Variants in PCDHGA9 observed in about 807,000 individuals in gnomAD.
The protein encoded by PCDHGA9 is protocadherin gamma subfamily A, 9.
In PCDHGA9, 37 loss-of-function variants were observed where a neutral mutation model predicts 62.5. That is an observed-to-expected ratio of 0.59 (90% CI 0.46 to 0.78). The LOEUF (loss-of-function observed/expected upper bound fraction) is 0.78. Among genes scored for constraint, PCDHGA9 ranks in the 30% least tolerant of loss-of-function variants. PCDHGA9 has a pLI of 0.00. For synonymous variants in PCDHGA9, 459 were observed against 484.6 expected (o/e 0.95, Z 0.69); for missense variants, 1,138 against 1,166.2 (o/e 0.98, Z 0.35).
chr5:141,428,091 T>A lies in PCDHGA9; in HGVS notation c.2424+22715T>A, dbSNP rs769710543. 1.1e-5 allele frequency: 17 copies of A among 1,609,000 alleles called. No homozygotes were observed. In the African/African-American group the frequency reaches 1.5e-4, roughly 14 times the overall value. On this transcript the variant is annotated intron_variant, in intron 1 of 3. Transcript: ENST00000573521. ...AGATTCGGGACACAACGCTTGGCTGTCCTACCACGTGCTGCAGGCCATCGA... is the reference window on the plus strand; with the variant it reads ...AGATTCGGGACACAACGCTTGGCTGACCTACCACGTGCTGCAGGCCATCGA...
chr5:141,495,000 G>A lies in PCDHGA9; in HGVS notation c.2483+135G>A, dbSNP rs191756104. ...AGTTTGAGATCCCAGGGAGGTCTTG[G>A]TGTGCGGGGGGCTGGCACACAGACC... On this transcript the variant is annotated intron_variant, in intron 2 of 3. Transcript: ENST00000573521. 1.3e-4 allele frequency: 202 copies of A among 1,531,656 alleles called. 2 individuals carry two copies. The African/African-American group carries it at 2.4e-3, about 19-fold the overall frequency. The allele number at this position is 1,531,656 out of a possible 1,614,324, so 94.9% of individuals were successfully genotyped here. A position where few individuals can be genotyped will look rare whatever the true frequency, so the allele number is the denominator to read the frequency against.
intron 1 of PCDHGA9, chr5:141,492,018 G>A: frequency 1.7e-6 from 1 of 585,594 alleles, no homozygotes; most frequent in Admixed American, 3.7e-5. Flanking sequence ...GGGTGTCGGG[G>A]GTCCCGGGAG....
Position 141,486,812 on chromosome 5 carries a change from A to G in PCDHGA9, c.2425-7995A>G, listed in dbSNP as rs781747283. 6.2e-7 allele frequency: 1 copy of G among 1,614,226 alleles called. No individual in the cohort carries two copies. The highest frequency in any genetic ancestry group is 8.5e-7 in the Non-Finnish European group (1 of 1,180,046). ...GGATCGGGGCAACCCACCCCTTAGC[A>G]GCACTGTAACAGTTCGTCTATTTGT... On this transcript the variant is annotated intron_variant, in intron 1 of 3. Transcript: ENST00000573521. This position sits in a 1 kb window ranked among gnomAD's most constrained non-coding sequence, Gnocchi z 5.0.
At chr5:141,422,789 T>A (rs776409955) in intron 1 of PCDHGA9, 16 of 1,614,158 alleles carry the variant, frequency 9.9e-6, no homozygotes, top group Non-Finnish European at 1.4e-5. Context: ...CTACAATCCT[T>A]CGACTATGAG....
intron 3 of PCDHGA9, 73 bp from the exon 4 acceptor site, chr5:141,510,874 G>A (rs1419164967): frequency 3.7e-6 from 6 of 1,610,008 alleles, no homozygotes; most frequent in Admixed American, 1.7e-5. Context: ...TTCATTAACT[G>A]CTGGGGATAT....
intron 1 of PCDHGA9, chr5:141,409,866 G>A (rs1268327848): frequency 3.7e-6 from 6 of 1,612,258 alleles, no homozygotes; most frequent in East Asian, 4.5e-5. Context: ...GTGGGAGACC[G>A]CAATGACAAC....
At chr5:141,478,862 C>A in intron 1 of PCDHGA9, 1 of 1,326,032 alleles carries the variant, frequency 7.5e-7, no homozygotes, top group Non-Finnish European at 1.0e-6. Context: ...AAGATCTCAG[C>A]GATCAGAGTT....
rs1460703461 is a variant in PCDHGA9 at position 141,490,596 on chromosome 5, C to G, written c.2425-4211C>G. 2.5e-6 allele frequency: 4 copies of G among 1,614,052 alleles called. No homozygotes were observed. The African/African-American group carries it at 4.0e-5, about 16-fold the overall frequency. On this transcript the variant is annotated intron_variant, in intron 1 of 3. Transcript: ENST00000573521. The surrounding 1 kb of genome is among the most constrained non-coding windows in gnomAD (Gnocchi z 5.4). Reference sequence around the variant, plus strand: ...TTTCAGATGTCAATGACAATGCACCCCGCTTCAACCAGCAGCTTTACACTG... The same window carrying G: ...TTTCAGATGTCAATGACAATGCACCGCGCTTCAACCAGCAGCTTTACACTG...
Position 141,489,555 on chromosome 5 carries a change from A to G in PCDHGA9, c.2425-5252A>G, listed in dbSNP as rs909307566. ...GAGCCAGCACCAGCTGCCTGCTGCC[A>G]GTGCAGGTGGTGACTGAACACCCCC... is the stretch of plus-strand genomic sequence containing the variant. On this transcript the variant is annotated intron_variant, in intron 1 of 3. Transcript: ENST00000573521. The surrounding 1 kb of genome is among the most constrained non-coding windows in gnomAD (Gnocchi z 4.5). 2.5e-6 allele frequency: 4 copies of G among 1,613,998 alleles called. No homozygotes were observed. The African/African-American group carries it at 5.3e-5, about 22-fold the overall frequency.
At chr5:141,453,206 T>G (rs914064627) in intron 1 of PCDHGA9, among the ~76,000 whole-genome samples, 8 of 152,102 alleles carry the variant, frequency 5.3e-5, no homozygotes, top group African/African-American at 1.9e-4. Context: ...CTCAACCTCG[T>G]GCACTTAAGC....
intron 1 of PCDHGA9, among the ~76,000 whole-genome samples, chr5:141,406,069 C>G (rs72790037): frequency 0.11 from 16,670 of 145,514 alleles, 1,088 homozygotes; most frequent in African/African-American, 0.2. Flanking sequence ...AAAATTCTTA[C>G]TCCTTTTTTT....
At chr5:141,492,161 TC>T (rs1269738341) in intron 1 of PCDHGA9, among the ~76,000 whole-genome samples, 2 of 152,142 alleles carry the variant, frequency 1.3e-5, no homozygotes, top group Admixed American at 6.5e-5. Context: ...ACCCTCCCTA[TC>T]CCCGCATCAC....
chr5:141,433,358 C>CCTATCTAT (rs3074541), intron 1 of PCDHGA9: 29,853 of 503,480 alleles, frequency 0.059, 1,017 homozygotes, highest in East Asian at 0.071. Context: ...CTACTGTCTG[C>CCTATCTAT]CTATCTATCT....
intron 1 of PCDHGA9, among the ~76,000 whole-genome samples, chr5:141,437,550 A>T (rs866913156): frequency 6.6e-6 from 1 of 152,192 alleles, no homozygotes; most frequent in African/African-American, 2.4e-5. Context: ...AGTTTTCTTT[A>T]TGACATGTAA....
intron 1 of PCDHGA9, chr5:141,410,094 C>G: frequency 6.2e-7 from 1 of 1,612,646 alleles, no homozygotes; most frequent in Non-Finnish European, 8.5e-7. Context: ...ACGGCTCGAG[C>G]CTTAGGCGAC....
In PCDHGA9 at chr5:141,403,427, G is replaced by T; in HGVS notation, c.475G>T (p.Asp159Tyr). ...ACGTTATCCACTTCCAGAAGCTATT[G>T]ATCCGGATGTTGGCGTGAACTCCCT... ...GARYPLPEAI[D>Y]PDVGVNSLQS... is the part of the protein sequence containing the mutation. The change falls in exon 1 of 4, where the codon GAT becomes TAT. Residue 159 changes from aspartate to tyrosine, a missense_variant. Physicochemically the swap from Asp to Tyr is radical, Grantham distance 160. Transcript: ENST00000573521. 6.2e-7 allele frequency: 1 copy of T among 1,614,026 alleles called. No individual in the cohort carries two copies. Among genetic ancestry groups the T allele is most frequent in the Non-Finnish European group, 8.5e-7 (1 of 1,179,904 alleles).
chr5:141,408,345 G>A (rs370026579), intron 1 of PCDHGA9: 3 of 1,613,812 alleles, frequency 1.9e-6, no homozygotes, highest in Non-Finnish European at 2.5e-6. Context: ...TCGGTGGTGG[G>A]GAACCTCGCT....
At chr5:141,422,561 A>T in intron 1 of PCDHGA9, 1 of 1,613,992 alleles carries the variant, frequency 6.2e-7, no homozygotes, top group Non-Finnish European at 8.5e-7. Context: ...AATGTGGCAG[A>T]TGACAACGAT....
chr5:141,461,138 C>T (rs1416058747), intron 1 of PCDHGA9, among the ~76,000 whole-genome samples: 1 of 151,942 alleles, frequency 6.6e-6, no homozygotes, highest in East Asian at 1.9e-4. Flanking sequence ...ACTTATTTTC[C>T]TTTGGGTAGA....
Sources: allele counts gnomAD v4.1 joint callset (sites outside exome capture counted in the v4.1 genomes callset), GRCh38; gene constraint gnomAD v4.1.1; non-coding constraint Gnocchi (gnomAD v3.1); transcripts MANE v1.5; gene names NCBI Gene and HGNC (gene_info 2026-07-23, HGNC 2026-07-21).